The following DIO2 variants were observed in gnomAD, a reference collection of about 807,000 sequenced individuals.
The protein encoded by DIO2 is type II iodothyronine deiodinase.
In DIO2, 19 loss-of-function variants were observed where a neutral mutation model predicts 21.4. The ratio of observed to expected loss-of-function variants is 0.89; its 90% CI spans 0.62 to 1.30. DIO2 has a LOEUF of 1.30. Among genes scored for constraint, DIO2 ranks in the 50% most tolerant of loss-of-function variants. The pLI is 0.00. For missense variants in DIO2, 302 were observed against 338.1 expected (o/e 0.89, Z 0.84); for synonymous variants, 122 against 132.9 (o/e 0.92, Z 0.57).
At chr14:80,203,424 T>C in intron 1 of DIO2, 136 bp from the exon 2 acceptor site, 1 of 1,076,628 alleles carries the variant, frequency 9.3e-7, no homozygotes, top group South Asian at 1.9e-5. Context: ...GAGCATTTGG[T>C]AAACATTTAT....
chr14:80,221,375 G>A (rs1203355020), intron 2 of DIO2, among the ~76,000 whole-genome samples: 1 of 152,090 alleles, frequency 6.6e-6, no homozygotes, highest in Non-Finnish European at 1.5e-5. Flanking sequence ...CCAATGTTTT[G>A]TCTGAGTACC....
At position 80,198,230 on chromosome 14, in the gene DIO2, A is replaced by C. The variant is rs1170930758; in HGVS notation, c.*4459T>G. The C allele has an allele frequency of 6.6e-6, 1 of 152,592 alleles. No individual in the cohort carries two copies. Among genetic ancestry groups the C allele is most frequent in the Non-Finnish European group, 1.5e-5 (1 of 68,024 alleles). The allele number at this position is 152,592 out of a possible 1,614,324, so 9.5% of individuals were successfully genotyped here. ...TCTTCGAAGTCTCAGTAAATATTGA[A>C]TAAGCTCCCTGGAGCTCTGCTGTTG... On this transcript the variant is annotated 3_prime_UTR_variant, in exon 2 of 2. Transcript: ENST00000438257.
chr14:80,228,442 C>T (rs770526576), intron 2 of DIO2, among the ~76,000 whole-genome samples: 48 of 152,142 alleles, frequency 3.2e-4, no homozygotes, highest in Non-Finnish European at 6.0e-4. Flanking sequence ...CTTCAAGATC[C>T]GTCTGTCTTC....
Position 80,202,084 on chromosome 14 carries a change from A to G in DIO2, c.*605T>C, listed in dbSNP as rs1170790097. On this transcript the variant is annotated 3_prime_UTR_variant, in exon 2 of 2. Coordinates refer to ENST00000438257, the MANE Select transcript of DIO2 (RefSeq NM_013989.5). ...TCATTCTAACCTCTCAGACTGAGGG[A>G]TCATTCTCGGTATCTACAAATATAC... 1 of 273,134 alleles carries G rather than the reference A, an allele frequency of 3.7e-6. No homozygotes were observed. The highest frequency in any genetic ancestry group is 2.3e-5 in the African/African-American group (1 of 43,740). The allele number at this position is 273,134 out of a possible 1,614,324, so 16.9% of individuals were successfully genotyped here.
intron 2 of DIO2, among the ~76,000 whole-genome samples, chr14:80,224,115 T>C (rs143873843): frequency 2.9e-4 from 44 of 152,318 alleles, no homozygotes; most frequent in African/African-American, 9.4e-4. Context: ...TTAAATCATG[T>C]AATCTTCATA....
chr14:80,206,978 G>A (rs1053897598), intron 1 of DIO2, among the ~76,000 whole-genome samples: 8 of 152,066 alleles, frequency 5.3e-5, no homozygotes, highest in African/African-American at 1.4e-4. Context: ...TTGAAGTTCC[G>A]ATGTTCCCAA....
At chr14:80,208,087 AT>A (rs1475805450) in intron 1 of DIO2, among the ~76,000 whole-genome samples, 5 of 152,234 alleles carry the variant, frequency 3.3e-5, no homozygotes, top group Non-Finnish European at 7.3e-5. Context: ...TTTACACTTC[AT>A]TTAGGTAAGA....
At chr14:80,205,176 G>C (rs565523223) in intron 1 of DIO2, among the ~76,000 whole-genome samples, 1 of 152,156 alleles carries the variant, frequency 6.6e-6, no homozygotes, top group African/African-American at 2.4e-5. Flanking sequence ...AACCTTTTAA[G>C]CCGTGAGTTC....
At chr14:80,207,088 C>T (rs1183120257) in intron 1 of DIO2, among the ~76,000 whole-genome samples, 1 of 152,106 alleles carries the variant, frequency 6.6e-6, no homozygotes, top group Admixed American at 6.5e-5. Context: ...TACAGTGGTC[C>T]TCTCTTATGT....
intron 2 of DIO2, among the ~76,000 whole-genome samples, chr14:80,230,430 A>C (rs1888662964): frequency 6.6e-6 from 1 of 152,128 alleles, no homozygotes; most frequent in South Asian, 2.1e-4. Context: ...GGGCAATCTT[A>C]GCAGATTTGA....
At chr14:80,220,272 G>C (rs2140017700) in intron 2 of DIO2, among the ~76,000 whole-genome samples, 1 of 152,266 alleles carries the variant, frequency 6.6e-6, no homozygotes, top group Middle Eastern at 3.4e-3. Flanking sequence ...TATCAGCAAG[G>C]AACAGGGACC....
chr14:80,206,833 A>G (rs1328836581), intron 1 of DIO2, among the ~76,000 whole-genome samples: 1 of 152,148 alleles, frequency 6.6e-6, no homozygotes, highest in Non-Finnish European at 1.5e-5. Flanking sequence ...AGAGGCATTC[A>G]AAAGGCATTT....
At chr14:80,209,419 G>A (rs2140005868) in intron 1 of DIO2, among the ~76,000 whole-genome samples, 1 of 151,604 alleles carries the variant, frequency 6.6e-6, no homozygotes, top group East Asian at 1.9e-4. Context: ...AATATACTGA[G>A]ATCAAATCAC....
At chr14:80,206,323 A>G (rs752282810) in intron 1 of DIO2, 1 of 1,548,536 alleles carries the variant, frequency 6.5e-7, no homozygotes, top group Admixed American at 2.1e-5. Flanking sequence ...CTAAAACCTG[A>G]TGGAGGACAA....
At position 80,202,474 on chromosome 14, in the gene DIO2, T is replaced by C; in HGVS notation, c.*215A>G. On this transcript the variant is annotated 3_prime_UTR_variant, in exon 2 of 2. Coordinates refer to ENST00000438257, the MANE Select transcript of DIO2 (RefSeq NM_013989.5). Reference sequence around the variant, plus strand: ...TTGGGATCTTTTCACATAGGGCTTTTTACTAAGAAGAGAGGTGATATGGTT... The same window carrying C: ...TTGGGATCTTTTCACATAGGGCTTTCTACTAAGAAGAGAGGTGATATGGTT... 2 of 746,094 alleles carry C rather than the reference T, an allele frequency of 2.7e-6. No individual in the cohort carries two copies. Among genetic ancestry groups the C allele is most frequent in the East Asian group, 5.0e-5 (2 of 39,982 alleles). The allele number at this position is 746,094 out of a possible 1,614,324, so 46.2% of individuals were successfully genotyped here.
intron 1 of DIO2, among the ~76,000 whole-genome samples, chr14:80,204,768 C>T (rs1050116540): frequency 1.3e-5 from 2 of 152,066 alleles, no homozygotes; most frequent in African/African-American, 4.8e-5. Context: ...TGATATAACC[C>T]ACTCAAGGGC....
intron 1 of DIO2, chr14:80,206,131 T>A (rs747596522): frequency 2.5e-6 from 2 of 794,700 alleles, no homozygotes; most frequent in Non-Finnish European, 4.0e-6. Flanking sequence ...TATAATGTCA[T>A]AAATGGATAT....
At chr14:80,229,818 C>T (rs1194777465) in intron 2 of DIO2, among the ~76,000 whole-genome samples, 4 of 152,184 alleles carry the variant, frequency 2.6e-5, no homozygotes, top group South Asian at 4.1e-4. Flanking sequence ...CCACCATTAA[C>T]TCATACCATT....
At chr14:80,213,447 C>T (rs576760162), upstream of DIO2, among the ~76,000 whole-genome samples, 18 of 152,268 alleles carry the variant, frequency 1.2e-4, no homozygotes, top group East Asian at 3.3e-3. Context: ...AAAGCCTAGA[C>T]AAGAGTCATT....
Sources: allele counts gnomAD v4.1 joint callset (sites outside exome capture counted in the v4.1 genomes callset), GRCh38; gene constraint gnomAD v4.1.1; transcripts MANE v1.5; gene names NCBI Gene and HGNC (gene_info 2026-07-23, HGNC 2026-07-21).